Variants in DOCK9 observed in about 807,000 individuals in gnomAD.
The protein encoded by DOCK9 is dedicator of cytokinesis protein 9.
DOCK9 carries 89 observed loss-of-function variants against 263.3 expected under a neutral mutation model. The ratio of observed to expected loss-of-function variants is 0.34; its 90% CI spans 0.28 to 0.40. The LOEUF (loss-of-function observed/expected upper bound fraction) is 0.40. Ranked by LOEUF, DOCK9 falls within the 10% of genes least tolerant of loss-of-function variation. The pLI is 1.00. For synonymous variants in DOCK9, 976 were observed against 973.1 expected (o/e 1.00, Z -0.06); for missense variants, 2,140 against 2,603.4 (o/e 0.82, Z 3.87).
At chr13:98,932,401 CAACAACA>C (rs956564221) in intron 2 of DOCK9, among the ~76,000 whole-genome samples, 2 of 94,658 alleles carry the variant, frequency 2.1e-5, no homozygotes, top group Non-Finnish European at 4.3e-5. Flanking sequence ...TCTCAAAAAA[CAACAACA>C]AACAAACAAA....
chr13:98,944,759 T>G (rs987598224), intron 2 of DOCK9, among the ~76,000 whole-genome samples: 3 of 152,190 alleles, frequency 2.0e-5, no homozygotes, highest in Admixed American at 6.5e-5. Flanking sequence ...GAACCTCACT[T>G]AAGGACAGCG....
At chr13:98,903,838 T>G (rs1407852754) in intron 10 of DOCK9, among the ~76,000 whole-genome samples, 1 of 152,154 alleles carries the variant, frequency 6.6e-6, no homozygotes, top group Admixed American at 6.5e-5. Context: ...TGCTACAACA[T>G]GGATTGACCT....
At chr13:98,871,322 T>C (rs2094179827) in intron 27 of DOCK9, among the ~76,000 whole-genome samples, 1 of 152,190 alleles carries the variant, frequency 6.6e-6, no homozygotes, top group African/African-American at 2.4e-5. Context: ...TTAGAAAATA[T>C]AGTAAAATGT....
intron 2 of DOCK9, among the ~76,000 whole-genome samples, chr13:98,934,045 G>A (rs2054407731): frequency 6.6e-6 from 1 of 152,030 alleles, no homozygotes; most frequent in African/African-American, 2.4e-5. Flanking sequence ...CCACAGGCAT[G>A]AGCCACCATG....
At position 98,962,131 on chromosome 13, in the gene DOCK9, C is replaced by A. The variant is rs181232964; in HGVS notation, c.127-6580G>T. Among the ~76,000 whole-genome samples the A allele has an allele frequency of 1.7e-3, 253 of 152,214 alleles. 1 individual carries two copies. The highest frequency in any genetic ancestry group is 5.9e-3 in the African/African-American group (243 of 41,536). On this transcript the variant is annotated intron_variant, in intron 1 of 52. Coordinates refer to ENST00000682017, the MANE Select transcript of DOCK9 (RefSeq NM_001366683.2). ...ATGCCAAGGGAAACACTGATCTGTT[C>A]TTGCAATGAAGAATGATAATACAAA...
At chr13:98,869,971 G>T (rs1716461010) in intron 27 of DOCK9, among the ~76,000 whole-genome samples, 1 of 152,212 alleles carries the variant, frequency 6.6e-6, no homozygotes, top group Non-Finnish European at 1.5e-5. Flanking sequence ...AATGATCTTG[G>T]GGAACTAGCT....
intron 9 of DOCK9, among the ~76,000 whole-genome samples, chr13:98,914,022 T>C (rs1378188478): frequency 1.3e-5 from 2 of 152,142 alleles, no homozygotes; most frequent in Non-Finnish European, 2.9e-5. Flanking sequence ...GATGCTATTA[T>C]GAGAACATCT....
chr13:98,908,484 G>C (rs181247099), intron 9 of DOCK9, among the ~76,000 whole-genome samples: 82 of 152,210 alleles, frequency 5.4e-4, no homozygotes, highest in Non-Finnish European at 1.1e-3. Context: ...TCATTAATAG[G>C]GAGATGGCTG....
chr13:98,954,495 T>A (rs1423842433), intron 2 of DOCK9, among the ~76,000 whole-genome samples: 1 of 152,214 alleles, frequency 6.6e-6, no homozygotes, highest in African/African-American at 2.4e-5. Context: ...CAGCTTCTTG[T>A]TAGTCTCTTA....
intron 1 of DOCK9, among the ~76,000 whole-genome samples, chr13:99,002,756 C>G (rs576682932): frequency 1.3e-5 from 2 of 152,320 alleles, no homozygotes; most frequent in South Asian, 4.1e-4. Flanking sequence ...TCAGCTGACA[C>G]GCAGGACTCT....
At chr13:98,891,741 C>T (rs1445367297) in intron 15 of DOCK9, among the ~76,000 whole-genome samples, 4 of 151,822 alleles carry the variant, frequency 2.6e-5, no homozygotes, top group African/African-American at 7.3e-5. Flanking sequence ...TCTGTAAAGA[C>T]GTTCTTTCCA....
chr13:98,868,254 G>A lies in DOCK9; in HGVS notation c.3067C>T (p.His1023Tyr). 1.9e-6 allele frequency: 3 copies of A among 1,613,970 alleles called. No individual in the cohort carries two copies. Among genetic ancestry groups the A allele is most frequent in the South Asian group, 2.2e-5 (2 of 91,060 alleles). ...DNPEASKNAN[H>Y]SLAVFIKRCF... The stretch of plus-strand genomic sequence containing the variant: ...ACCTTGATGAAGACAGCAAGGCTAT[G>A]ATTCGCGTTCTTAGATGCCTCTGGA... Residue 1023 changes from histidine to tyrosine, a missense_variant, in exon 28 of 53, where the codon CAT (histidine) becomes TAT (tyrosine). By Grantham distance (83) the His-to-Tyr change is moderately conservative. Around this residue, in one of 2 missense-constraint regions of DOCK9, gnomAD observed 1,521 missense variants for 1,741.7 expected, o/e 0.87. Transcript: ENST00000682017.
intron 45 of DOCK9, among the ~76,000 whole-genome samples, chr13:98,812,287 G>A (rs1269314706): frequency 1.3e-5 from 2 of 150,302 alleles, no homozygotes; most frequent in East Asian, 1.9e-4. Context: ...TACATGACAC[G>A]GAGAAAATGC....
chr13:98,954,345 A>G (rs576518871), intron 2 of DOCK9, among the ~76,000 whole-genome samples: 1 of 152,326 alleles, frequency 6.6e-6, no homozygotes, highest in East Asian at 1.9e-4. Context: ...GAGAGGAGAA[A>G]GAAGTGCCAG....
chr13:99,053,488 G>A (rs1272824366), intron 1 of DOCK9, among the ~76,000 whole-genome samples: 1 of 152,166 alleles, frequency 6.6e-6, no homozygotes, highest in Non-Finnish European at 1.5e-5. Context: ...TTAATTAAAT[G>A]TAATTGAATT....
rs35004750 is a variant in DOCK9, at chr13:98,947,506, A to ATTTTTT, written c.243+7923_243+7928dup. Among the ~76,000 whole-genome samples the ATTTTTT allele has an allele frequency of 5.1e-3, 626 of 123,740 alleles. 18 individuals are homozygous for ATTTTTT. Among genetic ancestry groups the ATTTTTT allele is most frequent in the African/African-American group, 0.015 (478 of 31,876 alleles). The allele number at this position is 123,740 out of a possible 152,430, so 81.2% of individuals were successfully genotyped here. ...CAAGGTTTAGATGTGTCTATTCAGAATTTTTTTTTTTTTTTTTTTGAGACG... is the reference window on the plus strand; with the variant it reads ...CAAGGTTTAGATGTGTCTATTCAGAATTTTTTTTTTTTTTTTTTTTTTTTTGAGACG... On this transcript the variant is annotated intron_variant, in intron 2 of 52. Transcript: ENST00000682017.
At chr13:99,006,148 G>A (rs1341810380) in intron 1 of DOCK9, among the ~76,000 whole-genome samples, 2 of 152,262 alleles carry the variant, frequency 1.3e-5, no homozygotes, top group East Asian at 1.9e-4. Flanking sequence ...AGAGAAACAC[G>A]TGATGAAGAT....
intron 9 of DOCK9, among the ~76,000 whole-genome samples, chr13:98,908,461 A>C (rs945681679): frequency 6.6e-6 from 1 of 152,210 alleles, no homozygotes; most frequent in Non-Finnish European, 1.5e-5. Flanking sequence ...ACTGAAAAAA[A>C]AACCTTAAAT....
At chr13:98,870,588 G>A (rs1226047380) in intron 27 of DOCK9, among the ~76,000 whole-genome samples, 1 of 152,126 alleles carries the variant, frequency 6.6e-6, no homozygotes, top group African/African-American at 2.4e-5. Context: ...AAAAGTAGAT[G>A]GAGAACTCTA....
Sources: allele counts gnomAD v4.1 joint callset (sites outside exome capture counted in the v4.1 genomes callset), GRCh38; gene constraint gnomAD v4.1.1; regional missense constraint gnomAD v4.1.1; transcripts MANE v1.5; gene names NCBI Gene and HGNC (gene_info 2026-07-23, HGNC 2026-07-21).